Variants in CAMK1D observed in about 807,000 individuals in gnomAD.
The protein encoded by CAMK1D is calcium/calmodulin dependent protein kinase ID, also known as calcium/calmodulin-dependent protein kinase type 1D.
CAMK1D carries 9 observed loss-of-function variants against 47.7 expected under a neutral mutation model. The ratio of observed to expected loss-of-function variants is 0.19; its 90% CI spans 0.11 to 0.33. The LOEUF (loss-of-function observed/expected upper bound fraction) is 0.33. Ranked by LOEUF, CAMK1D falls within the 10% of genes least tolerant of loss-of-function variation. The probability of loss-of-function intolerance (pLI) is 1.00; values close to 1 mark genes in which losing one functional copy is unlikely to be tolerated. For missense variants in CAMK1D, 291 were observed against 488.7 expected (o/e 0.60, Z 3.81); for synonymous variants, 184 against 184.9 (o/e 0.99, Z 0.04).
chr10:12,796,819 G>A (rs1352921818), intron 6 of CAMK1D, among the ~76,000 whole-genome samples: 1 of 152,080 alleles, frequency 6.6e-6, no homozygotes, highest in African/African-American at 2.4e-5. Flanking sequence ...TAGAAATTTG[G>A]AAACTTAGTT....
chr10:12,566,171 G>C (rs1233070583), intron 2 of CAMK1D, among the ~76,000 whole-genome samples: 1 of 152,084 alleles, frequency 6.6e-6, no homozygotes, highest in East Asian at 1.9e-4. Context: ...ACATAGTGTG[G>C]GCTCTCCAAA....
intron 1 of CAMK1D, among the ~76,000 whole-genome samples, chr10:12,418,631 A>C (rs993342057): frequency 6.6e-6 from 1 of 152,080 alleles, no homozygotes; most frequent in Non-Finnish European, 1.5e-5. Context: ...TATGTATTGC[A>C]CTCCAACTAG....
intron 3 of CAMK1D, among the ~76,000 whole-genome samples, chr10:12,749,413 T>A (rs910333463): frequency 2.9e-5 from 4 of 140,166 alleles, no homozygotes; most frequent in Non-Finnish European, 6.0e-5. Flanking sequence ...ATACTAAATG[T>A]GGAGGATGAA....
chr10:12,570,680 C>CA (rs35160242), intron 2 of CAMK1D, among the ~76,000 whole-genome samples: 34,283 of 84,334 alleles, frequency 0.41, 5,875 homozygotes, highest in African/African-American at 0.49. Flanking sequence ...AACTCCATCT[C>CA]AAAAAAAAAA....
chr10:12,824,519 G>A lies in CAMK1D; in HGVS notation c.888G>A (p.Gln296=). 6.2e-7 allele frequency: 1 copy of A among 1,614,122 alleles called. No individual in the cohort carries two copies. The highest frequency in any genetic ancestry group is 8.5e-7 in the Non-Finnish European group (1 of 1,180,016). The part of the protein sequence containing the change: ...NKNIHESVSA[Q]IRKNFAKSKW... ...ACATCCACGAGTCCGTCAGCGCCCAGATCCGGAAAAACTTTGCCAAGAGCA... is the reference window on the plus strand; with the variant it reads ...ACATCCACGAGTCCGTCAGCGCCCAAATCCGGAAAAACTTTGCCAAGAGCA... The change falls in exon 9 of 11, where the codon CAG becomes CAA. Residue 296 remains glutamine (Q), a synonymous_variant. Coordinates refer to ENST00000619168, the MANE Select transcript of CAMK1D (RefSeq NM_153498.4).
In CAMK1D at chr10:12,828,564, C is replaced by T. The variant is rs147357776; in HGVS notation, c.1040-205C>T. Among the ~76,000 whole-genome samples, 588 of 152,092 alleles carry T rather than the reference C, an allele frequency of 3.9e-3. 1 individual carries two copies. The highest frequency in any genetic ancestry group is 6.7e-3 in the Admixed American group (102 of 15,294). ...GCTGAAGCACGAGAATCGCTTGAAC[C>T]TGGCAGGCAGAGGTTGCAGTGACCC... On this transcript the variant is annotated intron_variant, in intron 10 of 10. Coordinates refer to ENST00000619168, the MANE Select transcript of CAMK1D (RefSeq NM_153498.4).
intron 3 of CAMK1D, among the ~76,000 whole-genome samples, chr10:12,757,324 C>A (rs2130894058): frequency 6.6e-6 from 1 of 152,244 alleles, no homozygotes; most frequent in East Asian, 1.9e-4. Flanking sequence ...TACTCCTTTT[C>A]CCCAATCACT....
chr10:12,570,841 A>G (rs1323420335), intron 2 of CAMK1D, among the ~76,000 whole-genome samples: 1 of 151,932 alleles, frequency 6.6e-6, no homozygotes, highest in East Asian at 1.9e-4. Context: ...CTTCCCAGCT[A>G]CTCAGGAGGC....
At chr10:12,611,923 C>T (rs1838639151) in intron 2 of CAMK1D, among the ~76,000 whole-genome samples, 1 of 152,070 alleles carries the variant, frequency 6.6e-6, no homozygotes, top group Admixed American at 6.6e-5. Context: ...CTTTTTGCCC[C>T]AGGTTATCCT....
rs114207677 is a variant in CAMK1D, at chr10:12,815,978, G to C, written c.755-272G>C. ...TATTTCTTCTCTTCTCTCAACCAAA[G>C]GTATCACTAGCCACTAGAGGTAAGG... On this transcript the variant is annotated intron_variant, in intron 7 of 10. Transcript: ENST00000619168. Among the ~76,000 whole-genome samples the C allele has an allele frequency of 7.5e-3, 1,137 of 152,314 alleles. 18 individuals are homozygous for C. Among genetic ancestry groups the C allele is most frequent in the African/African-American group, 0.026 (1,084 of 41,558 alleles).
chr10:12,355,865 A>G (rs1367292482), intron 1 of CAMK1D, among the ~76,000 whole-genome samples: 2 of 152,290 alleles, frequency 1.3e-5, no homozygotes, highest in East Asian at 3.9e-4. Flanking sequence ...CAAGGGGCAA[A>G]GAAGGGAAAG....
intron 2 of CAMK1D, among the ~76,000 whole-genome samples, chr10:12,599,598 G>A (rs966047111): frequency 1.3e-5 from 2 of 152,206 alleles, no homozygotes; most frequent in Non-Finnish European, 2.9e-5. Context: ...AAACCTATTC[G>A]TGGTAGAAAG....
intron 3 of CAMK1D, among the ~76,000 whole-genome samples, chr10:12,718,581 A>G (rs1038419502): frequency 2.0e-5 from 3 of 152,200 alleles, no homozygotes; most frequent in Non-Finnish European, 2.9e-5. Context: ...ATAATGCCCT[A>G]AACTTGTAAT....
chr10:12,487,281 G>T (rs1453202461), intron 1 of CAMK1D, among the ~76,000 whole-genome samples: 1 of 152,032 alleles, frequency 6.6e-6, no homozygotes, highest in Admixed American at 6.6e-5. Flanking sequence ...TCTCCTCAAG[G>T]TCTCTTTATC....
chr10:12,801,755 C>G (rs1337059060), intron 6 of CAMK1D, among the ~76,000 whole-genome samples: 1 of 152,174 alleles, frequency 6.6e-6, no homozygotes, highest in South Asian at 2.1e-4. Context: ...GTCTGTATAT[C>G]TATGTGTGTT....
At chr10:12,350,809 C>T (rs1837332451) in intron 1 of CAMK1D, among the ~76,000 whole-genome samples, 1 of 152,214 alleles carries the variant, frequency 6.6e-6, no homozygotes, top group South Asian at 2.1e-4. Context: ...CAAGTTATTT[C>T]CTTCCCTCAC....
At chr10:12,645,968 TTG>T (rs1279273605) in intron 2 of CAMK1D, among the ~76,000 whole-genome samples, 4 of 136,726 alleles carry the variant, frequency 2.9e-5, no homozygotes, top group African/African-American at 5.3e-5. Flanking sequence ...AAATGGCTAG[TTG>T]TTTTTTTTTT....
At chr10:12,703,772 G>A (rs934668325) in intron 3 of CAMK1D, among the ~76,000 whole-genome samples, 1 of 151,648 alleles carries the variant, frequency 6.6e-6, no homozygotes. Context: ...AGGAGGCTGA[G>A]ACAGGAGAAC....
At chr10:12,667,343 C>G (rs1840466493) in intron 3 of CAMK1D, among the ~76,000 whole-genome samples, 2 of 152,180 alleles carry the variant, frequency 1.3e-5, no homozygotes, top group Admixed American at 1.3e-4. Flanking sequence ...GGTGTCAGAC[C>G]ATGACATTAT....
Sources: gnomAD v4.1 joint callset for allele counts (sites outside exome capture counted in the v4.1 genomes callset) on GRCh38, gnomAD v4.1.1 for gene constraint, MANE v1.5 for transcripts, NCBI Gene and HGNC (gene_info 2026-07-23, HGNC 2026-07-21) for gene names.